NWD2: variants seen among roughly 807,000 people sequenced by gnomAD.
NWD2 encodes NACHT and WD repeat domain-containing protein 2.
In NWD2, 37 loss-of-function variants were observed where a neutral mutation model predicts 132.7. That is an observed-to-expected ratio of 0.28 (90% CI 0.21 to 0.37). The LOEUF is 0.37. Ranked by LOEUF, NWD2 falls within the 10% of genes least tolerant of loss-of-function variation. The pLI is 1.00. For synonymous variants in NWD2, 705 were observed against 803.0 expected, an observed-to-expected ratio of 0.88 and a Z score of 2.06; for missense variants, 1,592 against 2,122.4, an observed-to-expected ratio of 0.75 and a Z score of 4.91.
rs117094671 is a variant in NWD2 at position 37,335,059 on chromosome 4, A to G, written c.240+9035A>G. On this transcript the variant is annotated intron_variant, in intron 2 of 6. Coordinates refer to ENST00000309447, the MANE Select transcript of NWD2 (RefSeq NM_001144990.2). ...TTTACCCAGCTGGTTCATCCTCCAC[A>G]ATGTTGCTACGGTGGTATTTTTAAA... Among the ~76,000 whole-genome samples the G allele has an allele frequency of 2.5e-3, 384 of 151,954 alleles. 6 individuals are homozygous for G. In the East Asian group the frequency reaches 0.049, roughly 19 times the overall value.
At chr4:37,394,817 T>G (rs1474167662) in intron 3 of NWD2, among the ~76,000 whole-genome samples, 9 of 128,234 alleles carry the variant, frequency 7.0e-5, no homozygotes, top group African/African-American at 8.9e-5. Flanking sequence ...TTTTTTTTTT[T>G]TTTTTTTTTT....
At chr4:37,272,791 T>G (rs1309030783) in intron 1 of NWD2, among the ~76,000 whole-genome samples, 1 of 151,834 alleles carries the variant, frequency 6.6e-6, no homozygotes, top group Non-Finnish European at 1.5e-5. Flanking sequence ...GCATTCTACT[T>G]GTGCTGGGTT....
At chr4:37,292,173 C>G (rs1490894775) in intron 1 of NWD2, among the ~76,000 whole-genome samples, 2 of 152,140 alleles carry the variant, frequency 1.3e-5, no homozygotes, top group South Asian at 4.1e-4. Context: ...GGGCAAATTC[C>G]TAGGCGCTCC....
chr4:37,443,352 G>A lies in NWD2; in HGVS notation c.1364G>A (p.Gly455Glu). ...SDPVVIVRFL[G>E]TTDMSSDLRT... ...CCAGTAGTCATCGTGAGATTTCTAGGAACGACAGACATGAGCTCTGACCTT... is the reference window on the plus strand; with the variant it reads ...CCAGTAGTCATCGTGAGATTTCTAGAAACGACAGACATGAGCTCTGACCTT... Residue 455 changes from glycine (G) to glutamate (E), a missense_variant, in exon 7 of 7, where the codon GGA becomes GAA. This residue lies in a region of NWD2 where 1,071 missense variants were observed against 1,398.0 expected (regional missense o/e 0.77). Transcript: ENST00000309447. The surrounding 1 kb of genome is among the most constrained non-coding windows in gnomAD (Gnocchi z 4.1). 1 of 1,551,792 alleles carries A rather than the reference G, an allele frequency of 6.4e-7. No homozygotes were observed. The highest frequency in any genetic ancestry group is 1.2e-5 in the South Asian group (1 of 84,056).
At chr4:37,305,228 G>GT (rs1339150621) in intron 1 of NWD2, among the ~76,000 whole-genome samples, 1 of 152,216 alleles carries the variant, frequency 6.6e-6, no homozygotes, top group Non-Finnish European at 1.5e-5. Flanking sequence ...CAGGGAACCT[G>GT]TTTCAGGCCA....
At chr4:37,425,297 C>T (rs1711970309) in intron 3 of NWD2, among the ~76,000 whole-genome samples, 1 of 152,314 alleles carries the variant, frequency 6.6e-6, no homozygotes, top group African/African-American at 2.4e-5. Flanking sequence ...ATTATACATG[C>T]AGAAACTACA....
At chr4:37,257,837 A>G (rs1215016114) in intron 1 of NWD2, among the ~76,000 whole-genome samples, 1 of 152,220 alleles carries the variant, frequency 6.6e-6, no homozygotes. Context: ...AGCAGAAACT[A>G]GCTGATTTTT....
intron 3 of NWD2, among the ~76,000 whole-genome samples, chr4:37,400,513 T>G (rs1720878822): frequency 4.6e-5 from 7 of 152,168 alleles, no homozygotes; most frequent in Admixed American, 4.6e-4. Flanking sequence ...AATAGAAAAA[T>G]GTACCTGATT....
chr4:37,264,428 T>G (rs1275154468), intron 1 of NWD2, among the ~76,000 whole-genome samples: 6 of 152,100 alleles, frequency 3.9e-5, no homozygotes, highest in African/African-American at 7.2e-5. Context: ...CCAGCTGACC[T>G]TTTTCCTAAA....
intron 1 of NWD2, among the ~76,000 whole-genome samples, chr4:37,321,552 T>G (rs1359696216): frequency 6.6e-6 from 1 of 152,170 alleles, no homozygotes; most frequent in Admixed American, 6.5e-5. Flanking sequence ...AAACATAAAT[T>G]AAGACATACC....
intron 3 of NWD2, among the ~76,000 whole-genome samples, chr4:37,369,705 G>A (rs970399218): frequency 6.6e-6 from 1 of 152,168 alleles, no homozygotes; most frequent in African/African-American, 2.4e-5. Flanking sequence ...TAGGTCAAAT[G>A]CAAAGAAAAT....
chr4:37,352,539 G>T (rs559779080), intron 2 of NWD2, among the ~76,000 whole-genome samples: 34 of 152,218 alleles, frequency 2.2e-4, no homozygotes, highest in African/African-American at 7.9e-4. Flanking sequence ...TATGAATCTG[G>T]GTGCTCCTGT....
intron 3 of NWD2, among the ~76,000 whole-genome samples, chr4:37,379,145 C>A (rs1720404386): frequency 6.6e-6 from 1 of 152,152 alleles, no homozygotes; most frequent in Non-Finnish European, 1.5e-5. Context: ...TGACAGGGTT[C>A]ATAAATTTAT....
rs897685334 is a variant in NWD2, at chr4:37,444,382, G to A, written c.2394G>A (p.Lys798=). The A allele has an allele frequency of 6.4e-7, 1 of 1,552,194 alleles. No individual in the cohort carries two copies. The highest frequency in any genetic ancestry group is 8.7e-7 in the Non-Finnish European group (1 of 1,147,118). ...ACAGAAGTTTGCTGGAGGAAGAAAA[G>A]CACTTCATGGAACAGGCTTCCTTTG... The part of the protein sequence containing the change: ...LENRSLLEEE[K]HFMEQASFDR... Residue 798 remains lysine, a synonymous_variant, in exon 7 of 7, where the codon AAG becomes AAA. Coordinates refer to ENST00000309447, the MANE Select transcript of NWD2 (RefSeq NM_001144990.2). The surrounding 1 kb of genome is among the most constrained non-coding windows in gnomAD (Gnocchi z 4.8).
intron 3 of NWD2, among the ~76,000 whole-genome samples, chr4:37,373,774 G>A (rs1720283080): frequency 6.6e-6 from 1 of 152,100 alleles, no homozygotes; most frequent in Non-Finnish European, 1.5e-5. Flanking sequence ...AGGACAAAAG[G>A]GCAAGCCAGA....
intron 1 of NWD2, among the ~76,000 whole-genome samples, chr4:37,281,344 A>G (rs1375124549): frequency 6.6e-6 from 1 of 150,690 alleles, no homozygotes; most frequent in African/African-American, 2.4e-5. Flanking sequence ...AGTAGAATCT[A>G]CATTTTTTTT....
At chr4:37,339,340 T>C (rs1286127909) in intron 2 of NWD2, among the ~76,000 whole-genome samples, 1 of 152,240 alleles carries the variant, frequency 6.6e-6, no homozygotes, top group Non-Finnish European at 1.5e-5. Context: ...ATGGCTCTTC[T>C]GGAATTCTCA....
At chr4:37,360,727 G>A (rs1013749028) in intron 3 of NWD2, among the ~76,000 whole-genome samples, 1 of 152,112 alleles carries the variant, frequency 6.6e-6, no homozygotes, top group Admixed American at 6.6e-5. Flanking sequence ...TAGAGGGAGA[G>A]GAATACGGCC....
chr4:37,301,377 G>C (rs1718608874), intron 1 of NWD2, among the ~76,000 whole-genome samples: 1 of 151,932 alleles, frequency 6.6e-6, no homozygotes, highest in Non-Finnish European at 1.5e-5. Flanking sequence ...AACAAATCTG[G>C]GAAATATTTA....
Sources: allele counts gnomAD v4.1 joint callset (sites outside exome capture counted in the v4.1 genomes callset), GRCh38; gene constraint gnomAD v4.1.1; regional missense constraint gnomAD v4.1.1; non-coding constraint Gnocchi (gnomAD v3.1); transcripts MANE v1.5; gene names NCBI Gene and HGNC (gene_info 2026-07-23, HGNC 2026-07-21).